Variants in SSBP2 observed in about 807,000 individuals in gnomAD.
The protein encoded by SSBP2 is single-stranded DNA-binding protein 2.
SSBP2 carries 17 observed loss-of-function variants against 61.8 expected under a neutral mutation model. The observed-to-expected ratio is 0.28, with a 90% CI of 0.19 to 0.41. The LOEUF is 0.41. Among genes scored for constraint, SSBP2 ranks in the 10% least tolerant of loss-of-function variants. The pLI is 1.00. For synonymous variants in SSBP2, 139 were observed against 141.3 expected (o/e 0.98, Z 0.12); for missense variants, 310 against 458.7 (o/e 0.68, Z 2.96).
chr5:81,484,065 A>C (rs939380047), intron 6 of SSBP2, among the ~76,000 whole-genome samples: 4 of 152,096 alleles, frequency 2.6e-5, no homozygotes, highest in Non-Finnish European at 5.9e-5. Context: ...TTTGTCCACC[A>C]ATGTATCCCC....
At chr5:81,522,862 T>C (rs1408179762) in intron 4 of SSBP2, among the ~76,000 whole-genome samples, 1 of 152,104 alleles carries the variant, frequency 6.6e-6, no homozygotes, top group African/African-American at 2.4e-5. Context: ...ATATTTTACA[T>C]GTTATTTTCA....
At chr5:81,630,004 C>T (rs752426957) in intron 3 of SSBP2, among the ~76,000 whole-genome samples, 1 of 152,156 alleles carries the variant, frequency 6.6e-6, no homozygotes, top group Non-Finnish European at 1.5e-5. Flanking sequence ...GTTTTGCACT[C>T]TGTAAATATT....
At chr5:81,651,007 T>C (rs1231133554) in intron 1 of SSBP2, among the ~76,000 whole-genome samples, 2 of 152,198 alleles carry the variant, frequency 1.3e-5, no homozygotes, top group Non-Finnish European at 2.9e-5. Flanking sequence ...CATTCAAATA[T>C]AGAATATTCA....
At chr5:81,730,008 T>C (rs1581435268) in intron 1 of SSBP2, among the ~76,000 whole-genome samples, 1 of 152,096 alleles carries the variant, frequency 6.6e-6, no homozygotes, top group Non-Finnish European at 1.5e-5. Context: ...GTAAAAGATA[T>C]AGGGTAACAA....
At chr5:81,564,843 C>T (rs1029990526) in intron 4 of SSBP2, among the ~76,000 whole-genome samples, 1 of 152,190 alleles carries the variant, frequency 6.6e-6, no homozygotes, top group Non-Finnish European at 1.5e-5. Flanking sequence ...CAAACATCAC[C>T]TTACCAGATC....
At chr5:81,560,821 A>G (rs983350760) in intron 4 of SSBP2, among the ~76,000 whole-genome samples, 2 of 152,334 alleles carry the variant, frequency 1.3e-5, no homozygotes, top group South Asian at 2.1e-4. Flanking sequence ...TATAGATTTA[A>G]TAACATATGA....
At chr5:81,516,108 G>A (rs1379315249) in intron 4 of SSBP2, among the ~76,000 whole-genome samples, 2 of 151,936 alleles carry the variant, frequency 1.3e-5, no homozygotes, top group Non-Finnish European at 1.5e-5. Context: ...GGGGAATAGA[G>A]AATTCCCAGT....
At chr5:81,498,203 T>C (rs1377078005) in intron 5 of SSBP2, among the ~76,000 whole-genome samples, 1 of 152,126 alleles carries the variant, frequency 6.6e-6, no homozygotes, top group South Asian at 2.1e-4. Context: ...TAACCATCTT[T>C]AGATTAAAAA....
rs1469491260 is a variant in SSBP2, at chr5:81,619,517, C to T, written c.198-3960G>A. On this transcript the variant is annotated intron_variant, in intron 3 of 16. Transcript: ENST00000320672. ...CAGATGGATTCACAGCCGAATTCTA[C>T]CAGAGGTACAGGGAGGAACTGGTAC... Among the ~76,000 whole-genome samples, 829 of 146,058 alleles carry T rather than the reference C, an allele frequency of 5.7e-3. 6 individuals carry two copies. Among genetic ancestry groups the T allele is most frequent in the African/African-American group, 0.021 (797 of 38,864 alleles).
intron 4 of SSBP2, among the ~76,000 whole-genome samples, chr5:81,601,140 A>C (rs1294598511): frequency 6.6e-6 from 1 of 152,226 alleles, no homozygotes; most frequent in Non-Finnish European, 1.5e-5. Flanking sequence ...AATTTGGAAA[A>C]GTCAACCATT....
At chr5:81,631,838 CTCA>C (rs769202880) in intron 3 of SSBP2, among the ~76,000 whole-genome samples, 6 of 152,158 alleles carry the variant, frequency 3.9e-5, no homozygotes, top group Admixed American at 1.3e-4. Flanking sequence ...ATCAATTTGA[CTCA>C]TCATCATTTT....
chr5:81,511,315 C>T (rs935369840), intron 5 of SSBP2, among the ~76,000 whole-genome samples: 5 of 152,056 alleles, frequency 3.3e-5, no homozygotes, highest in African/African-American at 9.7e-5. Flanking sequence ...TAGGGCTTCT[C>T]GAGGGCAGGG....
intron 4 of SSBP2, among the ~76,000 whole-genome samples, chr5:81,523,391 A>G (rs1398712347): frequency 6.6e-6 from 1 of 152,044 alleles, no homozygotes; most frequent in African/African-American, 2.4e-5. Flanking sequence ...AGATAACAAG[A>G]AAGAGTGTAA....
At chr5:81,732,150 AAAT>A (rs1430991710) in intron 1 of SSBP2, among the ~76,000 whole-genome samples, 16 of 152,154 alleles carry the variant, frequency 1.1e-4, no homozygotes, top group Non-Finnish European at 1.9e-4. Context: ...TCAGAAACTA[AAAT>A]ATGCAAAAAT....
intron 6 of SSBP2, among the ~76,000 whole-genome samples, chr5:81,483,573 A>G (rs754781806): frequency 7.9e-5 from 12 of 152,152 alleles, no homozygotes; most frequent in African/African-American, 2.4e-4. Context: ...CAAAACCCAG[A>G]AAGTCTAAGC....
chr5:81,744,690 A>G (rs1757241504), intron 1 of SSBP2, among the ~76,000 whole-genome samples: 1 of 152,066 alleles, frequency 6.6e-6, no homozygotes, highest in Non-Finnish European at 1.5e-5. Flanking sequence ...CATTATAGCC[A>G]TGAAGCAAAA....
At chr5:81,726,369 T>C (rs901724375) in intron 1 of SSBP2, among the ~76,000 whole-genome samples, 3 of 152,114 alleles carry the variant, frequency 2.0e-5, no homozygotes, top group Non-Finnish European at 4.4e-5. Flanking sequence ...AGGCCAAAGG[T>C]TCTACTGTTC....
intron 6 of SSBP2, among the ~76,000 whole-genome samples, chr5:81,480,855 G>A (rs1438685262): frequency 2.6e-5 from 4 of 152,214 alleles, no homozygotes; most frequent in Admixed American, 6.5e-5. Flanking sequence ...AAACCTTGAA[G>A]CTGTTTTATA....
intron 1 of SSBP2, among the ~76,000 whole-genome samples, chr5:81,686,934 G>A (rs560646240): frequency 6.7e-6 from 1 of 149,976 alleles, no homozygotes; most frequent in East Asian, 2.0e-4. Flanking sequence ...AAAATGGGAA[G>A]TGGAGAAAGA....
Sources: gnomAD v4.1 joint callset for allele counts (sites outside exome capture counted in the v4.1 genomes callset) on GRCh38, gnomAD v4.1.1 for gene constraint, MANE v1.5 for transcripts, NCBI Gene and HGNC (gene_info 2026-07-23, HGNC 2026-07-21) for gene names.